AFAP1: variants seen among roughly 807,000 people sequenced by gnomAD.
AFAP1 encodes the protein actin filament associated protein 1.
In AFAP1, 75 loss-of-function variants were observed where a neutral mutation model predicts 93.9. The observed-to-expected ratio is 0.80, with a 90% CI of 0.66 to 0.97. The LOEUF is 0.97. AFAP1 is among the 50% of genes least tolerant of loss of function. The pLI, the probability that AFAP1 is intolerant of heterozygous loss-of-function variation, is 0.00. For synonymous variants in AFAP1, 517 were observed against 430.7 expected (o/e 1.20, Z -2.48); for missense variants, 1,201 against 1,050.8 (o/e 1.14, Z -1.98).
intron 4 of AFAP1, among the ~76,000 whole-genome samples, chr4:7,850,606 C>A (rs1050928709): frequency 2.6e-5 from 4 of 152,224 alleles, no homozygotes; most frequent in African/African-American, 9.7e-5. Context: ...AACTGAGGAA[C>A]CTGGAAGGAG....
intron 1 of AFAP1, among the ~76,000 whole-genome samples, chr4:7,899,681 G>A (rs1307700633): frequency 6.6e-6 from 1 of 152,136 alleles, no homozygotes; most frequent in Non-Finnish European, 1.5e-5. Context: ...TTGTGAAGGT[G>A]GCTCCCAGCT....
At chr4:7,787,535 G>A (rs183136253) in intron 11 of AFAP1, among the ~76,000 whole-genome samples, 14 of 152,270 alleles carry the variant, frequency 9.2e-5, no homozygotes, top group African/African-American at 2.9e-4. Context: ...GGAGCCTGAC[G>A]CTGCCTCCCG....
chr4:7,866,394 C>G (rs1198961047), intron 3 of AFAP1, among the ~76,000 whole-genome samples: 1 of 152,092 alleles, frequency 6.6e-6, no homozygotes, highest in Non-Finnish European at 1.5e-5. Flanking sequence ...TGGGGTTTCG[C>G]TATGTTGCCC....
chr4:7,803,936 G>T (rs1719271396), intron 9 of AFAP1, among the ~76,000 whole-genome samples: 1 of 152,050 alleles, frequency 6.6e-6, no homozygotes, highest in Non-Finnish European at 1.5e-5. Context: ...TCTGTTTTCA[G>T]CGACTGCCCC....
intron 3 of AFAP1, among the ~76,000 whole-genome samples, chr4:7,858,748 C>T (rs1715351406): frequency 6.6e-6 from 1 of 152,190 alleles, no homozygotes; most frequent in Non-Finnish European, 1.5e-5. Flanking sequence ...CTTGCCAAGA[C>T]TCCACGTGCC....
chr4:7,832,557 G>A (rs1013608955), intron 6 of AFAP1, among the ~76,000 whole-genome samples: 11 of 151,910 alleles, frequency 7.2e-5, no homozygotes, highest in African/African-American at 2.2e-4. Flanking sequence ...GGTACTTGCC[G>A]GCAACGATGG....
intron 3 of AFAP1, among the ~76,000 whole-genome samples, chr4:7,864,167 A>ATTCCCAACTTCCCATCACAACACATTC (rs1577313455): frequency 1.4e-4 from 17 of 125,830 alleles, no homozygotes; most frequent in Admixed American, 4.2e-4. Flanking sequence ...ATCACAACCC[A>ATTCCCAACTTCCCATCACAACACATTC]CAGGTCCTTT....
At chr4:7,871,001 T>A (rs1716976747) in intron 2 of AFAP1, among the ~76,000 whole-genome samples, 1 of 151,800 alleles carries the variant, frequency 6.6e-6, no homozygotes, top group Admixed American at 6.6e-5. Context: ...CTCCATAGAG[T>A]CCTCAAGATT....
chr4:7,870,677 A>G (rs1716944150), intron 2 of AFAP1, among the ~76,000 whole-genome samples: 1 of 151,924 alleles, frequency 6.6e-6, no homozygotes, highest in Non-Finnish European at 1.5e-5. Flanking sequence ...AAAAGTTAAT[A>G]TTTCATATTA....
At chr4:7,918,884 G>C (rs1720263510) in intron 1 of AFAP1, among the ~76,000 whole-genome samples, 1 of 149,174 alleles carries the variant, frequency 6.7e-6, no homozygotes, top group Admixed American at 6.7e-5. Context: ...AGGGCTGCCG[G>C]AAGAGACACT....
intron 6 of AFAP1, among the ~76,000 whole-genome samples, chr4:7,825,192 A>G (rs1049080803): frequency 1.3e-5 from 2 of 152,200 alleles, no homozygotes; most frequent in Admixed American, 6.5e-5. Context: ...ATAAACGGGA[A>G]AGGGTTTATT....
At chr4:7,880,949 A>G (rs1303959366) in intron 1 of AFAP1, among the ~76,000 whole-genome samples, 5 of 152,154 alleles carry the variant, frequency 3.3e-5, no homozygotes, top group African/African-American at 9.7e-5. Context: ...CACTTTACTG[A>G]TGTGCAAAAC....
intron 1 of AFAP1, among the ~76,000 whole-genome samples, chr4:7,923,975 G>T (rs1333561069): frequency 6.6e-6 from 1 of 152,172 alleles, no homozygotes; most frequent in African/African-American, 2.4e-5. Flanking sequence ...AAATGAGCAG[G>T]AGAAAAGGTA....
At chr4:7,802,056 A>AAGAG (rs143283051) in intron 9 of AFAP1, among the ~76,000 whole-genome samples, 5 of 151,694 alleles carry the variant, frequency 3.3e-5, no homozygotes, top group South Asian at 4.2e-4. Context: ...AAGACAAAAA[A>AAGAG]AGAGAGGTAT....
Position 7,774,769 on chromosome 4 carries a change from C to G in AFAP1, c.2032G>C (p.Asp678His). ...RLAQLRKERKDLRAAIEVNAG... is the reference protein window; with the variant it reads ...RLAQLRKERKHLRAAIEVNAG... ...TTCACTTCAATAGCCGCTCGAAGGT[C>G]TTTTCTTTCCTTGCGGAGCTGGGCC... Residue 678 changes from aspartate (D) to histidine (H), a missense_variant, in exon 15 of 18, where the codon GAC becomes CAC. By Grantham distance (81) the Asp-to-His change is moderately conservative (BLOSUM62 -1). Transcript: ENST00000420658. 6.2e-7 allele frequency: 1 copy of G among 1,614,220 alleles called. No homozygotes were observed. The highest frequency in any genetic ancestry group is 8.5e-7 in the Non-Finnish European group (1 of 1,180,048).
intron 1 of AFAP1, among the ~76,000 whole-genome samples, chr4:7,894,641 A>G (rs867161221): frequency 1.3e-5 from 2 of 152,122 alleles, no homozygotes. Flanking sequence ...ACCAACCACC[A>G]TAACTGTGTT....
chr4:7,849,831 A>C (rs1207478041), intron 4 of AFAP1, among the ~76,000 whole-genome samples: 1 of 152,216 alleles, frequency 6.6e-6, no homozygotes, highest in Non-Finnish European at 1.5e-5. Flanking sequence ...ACAGGATCAA[A>C]ATACAAGAGC....
chr4:7,864,627 C>T (rs576819561), intron 3 of AFAP1, among the ~76,000 whole-genome samples: 6 of 152,322 alleles, frequency 3.9e-5, no homozygotes, highest in South Asian at 2.1e-4. Context: ...GGGCAACAGG[C>T]TCCTCCCTGG....
intron 6 of AFAP1, among the ~76,000 whole-genome samples, chr4:7,823,208 C>T (rs1425223185): frequency 6.6e-6 from 1 of 151,908 alleles, no homozygotes; most frequent in African/African-American, 2.4e-5. Context: ...TTGCTTTTGT[C>T]ACTGTTCCCA....
Sources: gnomAD v4.1 joint callset for allele counts (sites outside exome capture counted in the v4.1 genomes callset) on GRCh38, gnomAD v4.1.1 for gene constraint, MANE v1.5 for transcripts, NCBI Gene and HGNC (gene_info 2026-07-23, HGNC 2026-07-21) for gene names.